DPH6: variants seen among roughly 807,000 people sequenced by gnomAD.
The protein encoded by DPH6 is diphthine--ammonia ligase.
In DPH6, 33 loss-of-function variants were observed where a neutral mutation model predicts 38.2. The ratio of observed to expected loss-of-function variants is 0.86; its 90% CI spans 0.65 to 1.15. The LOEUF is 1.15. Ranked by LOEUF, DPH6 falls within the 50% of genes most tolerant of loss-of-function variation. DPH6 has a pLI of 0.00. For missense variants in DPH6, 325 were observed against 320.0 expected (o/e 1.02, Z -0.12); for synonymous variants, 108 against 103.0 (o/e 1.05, Z -0.30).
chr15:35,518,391 A>T (rs1406902728), intron 3 of DPH6, among the ~76,000 whole-genome samples: 1 of 152,058 alleles, frequency 6.6e-6, no homozygotes, highest in African/African-American at 2.4e-5. Flanking sequence ...AACACAAATA[A>T]GGGCTCTAGA....
intron 7 of DPH6, among the ~76,000 whole-genome samples, chr15:35,380,514 A>C (rs1263524549): frequency 6.6e-6 from 1 of 152,134 alleles, no homozygotes; most frequent in African/African-American, 2.4e-5. Flanking sequence ...AGAAAGTATT[A>C]TTCTTTGGCA....
At chr15:35,375,382 C>A (rs772869188) in intron 7 of DPH6, among the ~76,000 whole-genome samples, 1 of 151,986 alleles carries the variant, frequency 6.6e-6, no homozygotes, top group Non-Finnish European at 1.5e-5. Context: ...CTGGGAGAGA[C>A]CAGATTTCAA....
chr15:35,374,124 T>C (rs530822454), intron 7 of DPH6, among the ~76,000 whole-genome samples: 3 of 152,054 alleles, frequency 2.0e-5, no homozygotes, highest in Non-Finnish European at 4.4e-5. Flanking sequence ...GACATAGTAA[T>C]GACCACATTC....
intron 3 of DPH6, among the ~76,000 whole-genome samples, chr15:35,249,601 T>C (rs2051657913): frequency 6.6e-6 from 1 of 152,190 alleles, no homozygotes; most frequent in Admixed American, 6.5e-5. Flanking sequence ...GACAAGGATG[T>C]CTCTCTGCAG....
downstream of DPH6, among the ~76,000 whole-genome samples, chr15:35,330,289 C>T (rs2052317682): frequency 6.6e-6 from 1 of 152,160 alleles, no homozygotes; most frequent in Admixed American, 6.6e-5. Context: ...CAAGCCTACT[C>T]ATGCAGACGC....
chr15:35,462,013 A>G (rs1380704673), intron 3 of DPH6, among the ~76,000 whole-genome samples: 2 of 152,154 alleles, frequency 1.3e-5, no homozygotes, highest in African/African-American at 4.8e-5. Context: ...ATTTTAGGAA[A>G]TGGCACAACA....
chr15:35,254,074 A>G (rs1238830413), intron 3 of DPH6, among the ~76,000 whole-genome samples: 1 of 152,240 alleles, frequency 6.6e-6, no homozygotes, highest in Non-Finnish European at 1.5e-5. Context: ...AAGCTACACT[A>G]GACAGGTGTT....
At position 35,454,018 on chromosome 15, in the gene DPH6, A is replaced by G. The variant is rs989957182; in HGVS notation, c.386+729T>C. 8.5e-5 allele frequency among the ~76,000 whole-genome samples: 13 copies of G among 152,222 alleles called. No homozygotes were observed. In the South Asian group the frequency reaches 2.1e-3, roughly 24 times the overall value. ...TTTTGTTAATATAATTATGCCCAGA[A>G]TCTCTATAAAATATTATATTTATCT... On this transcript the variant is annotated intron_variant, in intron 4 of 8. Coordinates refer to ENST00000256538, the MANE Select transcript of DPH6 (RefSeq NM_080650.4).
chr15:35,470,107 A>G (rs1172161342), intron 3 of DPH6, among the ~76,000 whole-genome samples: 1 of 152,218 alleles, frequency 6.6e-6, no homozygotes, highest in Non-Finnish European at 1.5e-5. Context: ...CTGAGGCAGG[A>G]GAATTGCTTG....
intron 3 of DPH6, among the ~76,000 whole-genome samples, chr15:35,290,663 T>C (rs1371313478): frequency 6.6e-6 from 1 of 152,190 alleles, no homozygotes; most frequent in African/African-American, 2.4e-5. Flanking sequence ...GTCTGTCTCA[T>C]TTCGAACAAC....
At chr15:35,456,612 C>T (rs911874498) in intron 3 of DPH6, among the ~76,000 whole-genome samples, 8 of 151,126 alleles carry the variant, frequency 5.3e-5, no homozygotes, top group African/African-American at 1.5e-4. Flanking sequence ...CTCAGCCTCC[C>T]GACTAGCTGG....
At chr15:35,478,149 A>G (rs1229590526) in intron 3 of DPH6, among the ~76,000 whole-genome samples, 3 of 151,956 alleles carry the variant, frequency 2.0e-5, no homozygotes, top group Admixed American at 6.6e-5. Context: ...AGGCTTCATC[A>G]GTGCCACAGA....
At chr15:35,488,938 C>T (rs2054440394) in intron 3 of DPH6, among the ~76,000 whole-genome samples, 1 of 151,972 alleles carries the variant, frequency 6.6e-6, no homozygotes. Flanking sequence ...CACCTAGAAG[C>T]TTTCACTTTC....
chr15:35,349,188 C>T (rs116464080), intron 3 of DPH6, among the ~76,000 whole-genome samples: 296 of 152,132 alleles, frequency 1.9e-3, no homozygotes, highest in Non-Finnish European at 3.1e-3. Context: ...TCCAACACTA[C>T]GTTGAATAGA....
At chr15:35,285,872 G>GGTTTTTTTTTTTTTTTT (rs1555391167) in intron 3 of DPH6, among the ~76,000 whole-genome samples, 9 of 52,812 alleles carry the variant, frequency 1.7e-4, no homozygotes, top group African/African-American at 6.7e-4. Context: ...TTATCTTTGA[G>GGTTTTTTTTTTTTTTTT]TTTTTTTTTT....
At chr15:35,233,943 T>C (rs1374030564) in intron 3 of DPH6, among the ~76,000 whole-genome samples, 1 of 152,234 alleles carries the variant, frequency 6.6e-6, no homozygotes, top group African/African-American at 2.4e-5. Context: ...AAATTCATTG[T>C]TTTATTTATT....
intron 3 of DPH6, among the ~76,000 whole-genome samples, chr15:35,285,872 G>GGTTTTT (rs1555391167): frequency 1.9e-5 from 1 of 52,794 alleles, no homozygotes; most frequent in African/African-American, 7.5e-5. Flanking sequence ...TTATCTTTGA[G>GGTTTTT]TTTTTTTTTT....
chr15:35,365,818 G>C, intron 3 of DPH6: 1 of 985,156 alleles, frequency 1.0e-6, no homozygotes, highest in African/African-American at 1.7e-5. Context: ...TTATTAATCT[G>C]CTCCAGTGAC....
At chr15:35,449,657 G>C (rs1336413540) in intron 5 of DPH6, among the ~76,000 whole-genome samples, 1 of 59,498 alleles carries the variant, frequency 1.7e-5, no homozygotes, top group Admixed American at 2.3e-4. Context: ...TTAATCATGA[G>C]AGCTGCTCAG....
Sources: allele counts gnomAD v4.1 joint callset (sites outside exome capture counted in the v4.1 genomes callset), GRCh38; gene constraint gnomAD v4.1.1; transcripts MANE v1.5; gene names NCBI Gene and HGNC (gene_info 2026-07-23, HGNC 2026-07-21).